CCDC120: variants seen among roughly 807,000 people sequenced by gnomAD.
CCDC120 encodes the protein coiled-coil domain containing 120.
A neutral mutation model predicts 37.6 loss-of-function variants in CCDC120; 16 were observed. The ratio of observed to expected loss-of-function variants is 0.43; its 90% CI spans 0.29 to 0.65. The LOEUF is 0.65. CCDC120 is among the 30% of genes least tolerant of loss of function. The pLI is 0.18. For missense variants in CCDC120, 650 were observed against 657.4 expected (o/e 0.99, Z 0.12); for synonymous variants, 309 against 275.4 (o/e 1.12, Z -1.21).
chrX:49,058,560 C>T (rs1440337198), upstream of CCDC120, among the ~76,000 whole-genome samples: 4 of 112,578 alleles, frequency 3.6e-5, no homozygotes, highest in African/African-American at 1.3e-4. Flanking sequence ...GGGTGGGCAG[C>T]GTCTAATCCT....
chrX:49,063,267 C>T (rs1270844474), intron 4 of CCDC120, among the ~76,000 whole-genome samples: 3 of 107,317 alleles, frequency 2.8e-5, no homozygotes, highest in Non-Finnish European at 3.8e-5. Flanking sequence ...GCAGGAGAAT[C>T]GCTTAAACCC....
In CCDC120 at chrX:49,063,966, C is replaced by T. The variant is rs782217248; in HGVS notation, c.394C>T (p.Pro132Ser). Residue 132 changes from proline to serine, a missense_variant, in exon 5 of 11, where the codon CCC (proline) becomes TCC (serine). By Grantham distance (74) the Pro-to-Ser change is moderately conservative. Around this residue, in one of 3 missense-constraint regions of CCDC120, gnomAD observed 576 missense variants for 565.3 expected, o/e 1.02. Transcript: ENST00000603986. ...PTARAYPPPH[P>S]NQAHHSLCPA... is the part of the protein sequence containing the mutation. ...AGCCCGCGCCTACCCTCCACCGCAC[C>T]CCAACCAAGCACACCACTCCTTGTG... 1 of 1,207,239 alleles carries T rather than the reference C, an allele frequency of 8.3e-7. No homozygotes were observed. The highest frequency in any genetic ancestry group is 1.1e-6 in the Non-Finnish European group (1 of 893,302).
Position 49,067,762 on chromosome X carries a change from C to T in CCDC120, c.1648C>T (p.Pro550Ser), listed in dbSNP as rs2064976337. 4 of 1,197,811 alleles carry T rather than the reference C, an allele frequency of 3.3e-6. No homozygotes were observed. In the East Asian group the frequency reaches 1.2e-4, roughly 36 times the overall value. ...CCACACCCGTGCCACCCGCACTAAG[C>T]CCTGTGGCCTGCCCCCAGAGGCTGC... ...DPHTRATRTK[P>S]CGLPPEAAEG... Residue 550 changes from proline (P) to serine (S), a missense_variant, in exon 10 of 11, where the codon CCC (proline) becomes TCC (serine). By Grantham distance (74) the Pro-to-Ser change is moderately conservative (BLOSUM62 -1). Around this residue, in one of 3 missense-constraint regions of CCDC120, gnomAD observed 576 missense variants for 565.3 expected, o/e 1.02. Transcript: ENST00000603986.
In CCDC120 at chrX:49,067,158, C is replaced by T. The variant is rs2064964756; in HGVS notation, c.1062-18C>T. 8.4e-7 allele frequency: 1 copy of T among 1,197,559 alleles called. No homozygotes were observed. The highest frequency in any genetic ancestry group is 1.8e-5 in the African/African-American group (1 of 56,887). On this transcript the variant is annotated intron_variant, in intron 9 of 10. Coordinates refer to ENST00000603986, the MANE Select transcript of CCDC120 (RefSeq NM_001163321.4). ...ATTTTTCTGACCCTATTCCCATGAC[C>T]CTCGCCTCTCACCCCAGACCTGAAG...
Position 49,062,330 on chromosome X carries a change from G to T in CCDC120, c.154+5G>T, listed in dbSNP as rs1312555903. ...CTCCTACCTTCAATGCCCCAGGTCG[G>T]TGGCTGCTTCCCCTCCTGCTGCCTC... On this transcript the variant is annotated splice_donor_5th_base_variant and intron_variant, in intron 3 of 10. Transcript: ENST00000603986. 2.5e-6 allele frequency: 3 copies of T among 1,208,136 alleles called. No homozygotes were observed. The South Asian group carries it at 5.3e-5, about 21-fold the overall frequency.
In CCDC120 at chrX:49,065,444, T is replaced by C. The variant is rs368864517; in HGVS notation, c.788-10T>C. Reference sequence around the variant, plus strand: ...ATTGAATTCTATCCCACTTGCTCTCTTCCACTCAGAGGAGCCCCATGGCTG... The same window carrying C: ...ATTGAATTCTATCCCACTTGCTCTCCTCCACTCAGAGGAGCCCCATGGCTG... On this transcript the variant is annotated splice_polypyrimidine_tract_variant and intron_variant, in intron 7 of 10. Coordinates refer to ENST00000603986, the MANE Select transcript of CCDC120 (RefSeq NM_001163321.4). 10 of 1,178,304 alleles carry C rather than the reference T, an allele frequency of 8.5e-6. No homozygotes were observed. In the African/African-American group the frequency reaches 1.4e-4, roughly 17 times the overall value.
rs781849531 is a variant in CCDC120, at chrX:49,067,602, C to T, written c.1488C>T (p.Gly496=). ...RGLPRSGGGT[G]WGELPPAAEV... ...TGCCCCGCAGTGGCGGTGGAACAGG[C>T]TGGGGGGAGCTGCCGCCTGCAGCTG... Residue 496 remains glycine, a synonymous_variant, in exon 10 of 11, where the codon GGC becomes GGT. Coordinates refer to ENST00000603986, the MANE Select transcript of CCDC120 (RefSeq NM_001163321.4). 1 of 1,182,341 alleles carries T rather than the reference C, an allele frequency of 8.5e-7. No homozygotes were observed. Among genetic ancestry groups the T allele is most frequent in the African/African-American group, 1.8e-5 (1 of 56,955 alleles).
intron 7 of CCDC120, 55 bp downstream of exon 7, chrX:49,065,153 T>C: frequency 9.1e-7 from 1 of 1,096,695 alleles, no homozygotes; most frequent in Non-Finnish European, 1.3e-6. Flanking sequence ...CTTTAGCCCA[T>C]CCCCTTTATT....
intron 1 of CCDC120, 131 bp from the exon 2 acceptor site, chrX:49,061,828 C>T (rs782714559): frequency 1.0e-4 from 67 of 669,799 alleles, no homozygotes; most frequent in Non-Finnish European, 1.4e-4. Context: ...AATGGGGATA[C>T]GAATCTTTCC....
chrX:49,060,787 G>GCAGGAGGA (rs1282010618), intron 1 of CCDC120, among the ~76,000 whole-genome samples: 1 of 112,160 alleles, frequency 8.9e-6, no homozygotes, highest in Non-Finnish European at 1.9e-5. Context: ...TATGGGGCAG[G>GCAGGAGGA]CAGGAGGACT....
At chrX:49,055,366 A>G (rs1472235182), upstream of CCDC120, among the ~76,000 whole-genome samples, 2 of 112,039 alleles carry the variant, frequency 1.8e-5, no homozygotes, top group East Asian at 5.6e-4. Context: ...GCCATGTTTG[A>G]TTCTGGGTGC....
intron 1 of CCDC120, among the ~76,000 whole-genome samples, chrX:49,061,130 C>T (rs2064881482): frequency 9.0e-6 from 1 of 111,565 alleles, no homozygotes; most frequent in African/African-American, 3.3e-5. Context: ...GCTGAGCCAT[C>T]GGGGGCAGAG....
rs782282644 is a variant in CCDC120 at position 49,065,659 on chromosome X, G to A, written c.962+31G>A. 8.3e-6 allele frequency: 10 copies of A among 1,206,164 alleles called. No homozygotes were observed. The South Asian group carries it at 1.1e-4, about 13-fold the overall frequency. On this transcript the variant is annotated intron_variant, in intron 8 of 10. Transcript: ENST00000603986. ...AATGAGCCCCTCCTCCCCTCCGCAG[G>A]AGCTGGGAATGGGATAGCAAGCCTG...
At chrX:49,053,888 AG>A (rs1230362168) in intron 1 of CCDC120, 1 of 112,760 alleles carries the variant, frequency 8.9e-6, no homozygotes, top group East Asian at 2.8e-4. Context: ...GTGAGTAACC[AG>A]CCCCGCCTGC....
In CCDC120 at chrX:49,064,530, A is replaced by G; in HGVS notation, c.590A>G (p.Glu197Gly). Residue 197 changes from glutamate (E) to glycine (G), a missense_variant, in exon 6 of 11, where the codon GAG becomes GGG. By Grantham distance (98) the Glu-to-Gly change is moderately conservative (BLOSUM62 -2). This residue lies in a region of CCDC120 where 576 missense variants were observed against 565.3 expected (regional missense o/e 1.02). Transcript: ENST00000603986. ...CTGAGGAGGCTGCATGAGCTAGAGGAGCAGCTCAGGGATGTCCGGGCCCGC... is the reference window on the plus strand; with the variant it reads ...CTGAGGAGGCTGCATGAGCTAGAGGGGCAGCTCAGGGATGTCCGGGCCCGC... ...DALRRLHELE[E>G]QLRDVRARLG... The G allele has an allele frequency of 8.5e-7, 1 of 1,181,680 alleles. No homozygotes were observed. Among genetic ancestry groups the G allele is most frequent in the South Asian group, 1.9e-5 (1 of 53,587 alleles).
rs975194395 is a variant in CCDC120 at position 49,061,904 on chromosome X, G to A, written c.-83-55G>A. The stretch of plus-strand genomic sequence containing the variant: ...TTGCAGGCACCCAGGTGTTGACTGC[G>A]TGTCCATTGTTGTTATAGTTGGTTG... On this transcript the variant is annotated intron_variant, in intron 1 of 10. Transcript: ENST00000603986. 5.3e-5 allele frequency: 57 copies of A among 1,070,238 alleles called. No homozygotes were observed. The Middle Eastern group carries it at 1.0e-3, about 19-fold the overall frequency. The allele number at this position is 1,070,238 out of a possible 1,213,427, so 88.2% of individuals were successfully genotyped here.
At position 49,068,767 on chromosome X, in the gene CCDC120, G is replaced by A. The variant is rs2064989580; in HGVS notation, c.*109G>A. 1 of 783,264 alleles carries A rather than the reference G, an allele frequency of 1.3e-6. No homozygotes were observed. 64.5% of individuals were successfully genotyped at this position (783,264 alleles called of 1,213,427 possible). A position where few individuals can be genotyped will look rare whatever the true frequency, so the allele number is the denominator to read the frequency against. Reference sequence around the variant, plus strand: ...GGTTGCTCTCAGTCCTGAGCAGAGTGCGCCAACCTAATCTTCCAAGGCCCC... The same window carrying A: ...GGTTGCTCTCAGTCCTGAGCAGAGTACGCCAACCTAATCTTCCAAGGCCCC... On this transcript the variant is annotated 3_prime_UTR_variant, in exon 11 of 11. Coordinates refer to ENST00000603986, the MANE Select transcript of CCDC120 (RefSeq NM_001163321.4).
chrX:49,067,799 A>G lies in CCDC120; in HGVS notation c.1685A>G (p.Glu562Gly), dbSNP rs1557081932. Residue 562 changes from glutamate to glycine, a missense_variant, in exon 10 of 11, where the codon GAG becomes GGG. Around this residue, in one of 3 missense-constraint regions of CCDC120, gnomAD observed 576 missense variants for 565.3 expected, o/e 1.02. Coordinates refer to ENST00000603986, the MANE Select transcript of CCDC120 (RefSeq NM_001163321.4). ...CCCCCAGAGGCTGCCGAAGGCCCTG[A>G]GGTGCATCCAAACCCTCTGCTGTGG... ...GLPPEAAEGPEVHPNPLLWMP... is the reference protein window; with the variant it reads ...GLPPEAAEGPGVHPNPLLWMP... 5.9e-6 allele frequency: 7 copies of G among 1,191,501 alleles called. No individual in the cohort carries two copies. Among genetic ancestry groups the G allele is most frequent in the Non-Finnish European group, 7.9e-6 (7 of 884,739 alleles).
intron 5 of CCDC120, 62 bp from the exon 6 acceptor site, chrX:49,064,308 T>A: frequency 9.2e-7 from 1 of 1,083,773 alleles, no homozygotes; most frequent in Non-Finnish European, 1.2e-6. Context: ...CAGCCTCTAC[T>A]GGGTTTGGCC....
Sources: gnomAD v4.1 joint callset for allele counts (sites outside exome capture counted in the v4.1 genomes callset) on GRCh38, gnomAD v4.1.1 for gene constraint, gnomAD v4.1.1 regional missense constraint, MANE v1.5 for transcripts, NCBI Gene and HGNC (gene_info 2026-07-23, HGNC 2026-07-21) for gene names.